Variants in SLC12A7 observed in about 807,000 individuals in gnomAD.
The protein encoded by SLC12A7 is solute carrier family 12 member 7.
Under a neutral mutation model 120.6 loss-of-function variants are expected in SLC12A7, and 100 were observed. The observed-to-expected ratio is 0.83, with a 90% CI of 0.71 to 0.98. SLC12A7 has a LOEUF of 0.98. Ranked by LOEUF, SLC12A7 falls within the 50% of genes least tolerant of loss-of-function variation. The probability of loss-of-function intolerance (pLI) is 0.00; values close to 1 mark genes in which losing one functional copy is unlikely to be tolerated. For missense variants in SLC12A7, 1,373 were observed against 1,548.1 expected (o/e 0.89, Z 1.90); for synonymous variants, 760 against 678.0 (o/e 1.12, Z -1.88).
chr5:1,108,536 C>T (rs10462661), intron 1 of SLC12A7, among the ~76,000 whole-genome samples: 3 of 152,186 alleles, frequency 2.0e-5, no homozygotes, highest in South Asian at 2.1e-4. Context: ...CTCCCATGTC[C>T]GTGTCGGGAA....
the SLC12A7 span, among the ~76,000 whole-genome samples, chr5:1,154,232 C>T: frequency 1.3e-5 from 2 of 152,072 alleles, no homozygotes; most frequent in African/African-American, 4.8e-5. Flanking sequence ...CTAACCTTGT[C>T]TCCAAAGCGT....
At position 1,067,399 on chromosome 5, in the gene SLC12A7, A is replaced by G. The variant is rs376748043; in HGVS notation, c.2242-1921T>C. Among the ~76,000 whole-genome samples, 156 of 152,300 alleles carry G rather than the reference A, an allele frequency of 1.0e-3. No homozygotes were observed. In the South Asian group the frequency reaches 0.017, roughly 17 times the overall value. On this transcript the variant is annotated intron_variant, in intron 17 of 23. Transcript: ENST00000264930. Reference sequence around the variant, plus strand: ...ATCGGGCGTCATGTGGGAAGAAGGCAGGAAGTGTGGCTATTTCAGCAAAGG... The same window carrying G: ...ATCGGGCGTCATGTGGGAAGAAGGCGGGAAGTGTGGCTATTTCAGCAAAGG...
intron 1 of SLC12A7, among the ~76,000 whole-genome samples, chr5:1,110,624 C>T (rs781042157): frequency 6.6e-6 from 1 of 152,246 alleles, no homozygotes; most frequent in Admixed American, 6.5e-5. Flanking sequence ...AAAGCTCACA[C>T]AGAAAGACCA....
rs1735109806 is a variant in SLC12A7 at position 1,052,209 on chromosome 5, A to G, written c.*151T>C. ...CAGGAGAGCCCTAGGTGACGGGCCT[A>G]GAAACTTCCGTAGGAAGCCCCATGG... On this transcript the variant is annotated 3_prime_UTR_variant, in exon 24 of 24. Coordinates refer to ENST00000264930, the MANE Select transcript of SLC12A7 (RefSeq NM_006598.3). 2 of 684,944 alleles carry G rather than the reference A, an allele frequency of 2.9e-6. No homozygotes were observed. Among genetic ancestry groups the G allele is most frequent in the Admixed American group, 4.6e-5 (2 of 43,112 alleles). The allele number at this position is 684,944 out of a possible 1,614,324, so 42.4% of individuals were successfully genotyped here.
intron 22 of SLC12A7, among the ~76,000 whole-genome samples, chr5:1,053,759 G>A (rs1579302744): frequency 1.3e-5 from 2 of 152,250 alleles, no homozygotes. Flanking sequence ...AAGGGCTACA[G>A]TCACACAACA....
At chr5:1,113,590 TCA>T (rs1238561673), upstream of SLC12A7, among the ~76,000 whole-genome samples, 1 of 152,138 alleles carries the variant, frequency 6.6e-6, no homozygotes, top group Non-Finnish European at 1.5e-5. Flanking sequence ...CTCCACACTC[TCA>T]CCCCACCTCC....
chr5:1,127,829 T>C, the SLC12A7 span, among the ~76,000 whole-genome samples: 7 of 152,314 alleles, frequency 4.6e-5, no homozygotes, highest in African/African-American at 7.2e-5. Context: ...ACCAGTTACA[T>C]TGAAGTCTTT....
chr5:1,106,210 C>T (rs1033193669), intron 1 of SLC12A7, among the ~76,000 whole-genome samples: 7 of 152,176 alleles, frequency 4.6e-5, no homozygotes, highest in South Asian at 2.1e-4. Context: ...CCCAGCACTC[C>T]GGGAGGCCGA....
Position 1,051,138 on chromosome 5 carries a change from ACT to A in SLC12A7, c.*1220_*1221del, listed in dbSNP as rs1734990043. 2.5e-6 allele frequency: 1 copy of A among 392,522 alleles called. No individual in the cohort carries two copies. The highest frequency in any genetic ancestry group is 2.1e-5 in the African/African-American group (1 of 48,506). The allele number at this position is 392,522 out of a possible 1,614,324, so 24.3% of individuals were successfully genotyped here. A position where few individuals can be genotyped will look rare whatever the true frequency, so the allele number is the denominator to read the frequency against. Reference sequence around the variant, plus strand: ...TGTGACCACAACCTACAAAGCAGAAACTCACAGCCAGCCGAAGTGCAAAGTGT... The same window carrying A: ...TGTGACCACAACCTACAAAGCAGAAACACAGCCAGCCGAAGTGCAAAGTGT... On this transcript the variant is annotated 3_prime_UTR_variant, in exon 24 of 24. Transcript: ENST00000264930.
At chr5:1,097,040 G>A (rs1172078797) in intron 1 of SLC12A7, among the ~76,000 whole-genome samples, 6 of 152,170 alleles carry the variant, frequency 3.9e-5, no homozygotes, top group African/African-American at 1.4e-4. Context: ...CCCGCAGGAA[G>A]GGTGCGTGGC....
chr5:1,076,277 C>T lies in SLC12A7; in HGVS notation c.1749-41G>A, dbSNP rs759685542. ...GCCACTGATACGGGCCCACTGGGCC[C>T]CCCTGAGCCCCCAGTCACTGCCACC... On this transcript the variant is annotated intron_variant, in intron 13 of 23. Transcript: ENST00000264930. 7.9e-6 allele frequency: 12 copies of T among 1,523,378 alleles called. No homozygotes were observed. The South Asian group carries it at 1.3e-4, about 17-fold the overall frequency. The allele number at this position is 1,523,378 out of a possible 1,614,324, so 94.4% of individuals were successfully genotyped here.
chr5:1,103,628 T>C (rs1355892021), intron 1 of SLC12A7, among the ~76,000 whole-genome samples: 2 of 152,122 alleles, frequency 1.3e-5, no homozygotes, highest in Non-Finnish European at 2.9e-5. Flanking sequence ...CGCAGTCACA[T>C]ACACACACCA....
rs758516630 is a variant in SLC12A7, at chr5:1,064,166, C to G, written c.2524G>C (p.Gly842Arg). The change falls in exon 19 of 24, where the codon GGC becomes CGC. Residue 842 changes from glycine (G) to arginine (R), a missense_variant. Coordinates refer to ENST00000264930, the MANE Select transcript of SLC12A7 (RefSeq NM_006598.3). Reference sequence around the variant, plus strand: ...CACCACACGTCGATGTGGCCCCCGCCGAAGCGCTCCTGGTTTTGCGGAAAC... The same window carrying G: ...CACCACACGTCGATGTGGCCCCCGCGGAAGCGCTCCTGGTTTTGCGGAAAC... Reference protein sequence around the residue: ...DSFPQNQERFGGGHIDVWWIV... With the variant: ...DSFPQNQERFRGGHIDVWWIV... 40 of 1,612,318 alleles carry G rather than the reference C, an allele frequency of 2.5e-5. 1 individual carries two copies. The East Asian group carries it at 2.9e-4, about 12-fold the overall frequency.
chr5:1,110,962 G>A (rs754242044), intron 1 of SLC12A7, among the ~76,000 whole-genome samples: 67 of 152,246 alleles, frequency 4.4e-4, no homozygotes, highest in Non-Finnish European at 1.2e-4. Context: ...AGGATCTGGG[G>A]TCTGGCACCG....
the SLC12A7 span, among the ~76,000 whole-genome samples, chr5:1,148,199 TTC>T: frequency 3.7e-5 from 5 of 133,784 alleles, no homozygotes; most frequent in Non-Finnish European, 6.2e-5. Context: ...ACTTTTTTCT[TTC>T]TTTCTTTTTT....
upstream of SLC12A7, among the ~76,000 whole-genome samples, chr5:1,113,756 G>T (rs1474071606): frequency 6.6e-6 from 1 of 152,184 alleles, no homozygotes. Flanking sequence ...AGATCCAGGG[G>T]GTGGGAACAG....
Position 1,093,709 on chromosome 5 carries a change from G to A in SLC12A7, c.220-54C>T, listed in dbSNP as rs538762748. The A allele has an allele frequency of 9.0e-5, 145 of 1,602,828 alleles. No individual in the cohort carries two copies. The Admixed American group carries it at 9.5e-4, about 11-fold the overall frequency. ...GCCCGCACCTCGCCGTGGGCCCCCC[G>A]ACCTCCCTCCCCGTGTTCAGGGTGT... On this transcript the variant is annotated intron_variant, in intron 2 of 23. Coordinates refer to ENST00000264930, the MANE Select transcript of SLC12A7 (RefSeq NM_006598.3).
the SLC12A7 span, among the ~76,000 whole-genome samples, chr5:1,148,089 C>T: frequency 6.6e-6 from 1 of 152,144 alleles, no homozygotes; most frequent in African/African-American, 2.4e-5. Context: ...GGCACAGGCT[C>T]TCAGGCCCTC....
chr5:1,111,800 C>G (rs1743030788), intron 1 of SLC12A7, 68 bp downstream of exon 1: 2 of 1,185,752 alleles, frequency 1.7e-6, no homozygotes, highest in Non-Finnish European at 2.1e-6. Context: ...CCTCCGCTCC[C>G]GGATGCCGGG....
Sources: allele counts gnomAD v4.1 joint callset (sites outside exome capture counted in the v4.1 genomes callset), GRCh38; gene constraint gnomAD v4.1.1; transcripts MANE v1.5; gene names NCBI Gene and HGNC (gene_info 2026-07-23, HGNC 2026-07-21).